HIPK2: variants seen among roughly 807,000 people sequenced by gnomAD.
HIPK2 encodes homeodomain interacting protein kinase 2, also known as homeodomain-interacting protein kinase 2.
In HIPK2, 27 loss-of-function variants were observed where a neutral mutation model predicts 113.7. The ratio of observed to expected loss-of-function variants is 0.24; its 90% CI spans 0.17 to 0.33. HIPK2 has a LOEUF of 0.33. Ranked by LOEUF, HIPK2 falls within the 10% of genes least tolerant of loss-of-function variation. The pLI is 1.00. For synonymous variants in HIPK2, 631 were observed against 642.2 expected, an observed-to-expected ratio of 0.98 and a Z score of 0.26; for missense variants, 1,257 against 1,588.0, an observed-to-expected ratio of 0.79 and a Z score of 3.54.
At position 139,664,142 on chromosome 7, in the gene HIPK2, A is replaced by C. The variant is rs201458674; in HGVS notation, c.1104-32417T>G. On this transcript the variant is annotated intron_variant, in intron 2 of 14. Transcript: ENST00000406875. ...CCTGAAGTCAAACAAACAAGCAAGC[A>C]AACCAACCAACCAACCAACCAAATA... is the stretch of plus-strand genomic sequence containing the variant. Among the ~76,000 whole-genome samples the C allele has an allele frequency of 2.0e-5, 3 of 152,068 alleles. No individual in the cohort carries two copies. In the East Asian group the frequency reaches 5.8e-4, roughly 30 times the overall value.
At chr7:139,761,511 T>C (rs1796463725) in intron 1 of HIPK2, among the ~76,000 whole-genome samples, 1 of 152,316 alleles carries the variant, frequency 6.6e-6, no homozygotes, top group Non-Finnish European at 1.5e-5. Flanking sequence ...ACTTGAATCC[T>C]GCAAGCTTTT....
At chr7:139,629,712 C>T (rs1301093955) in intron 4 of HIPK2, among the ~76,000 whole-genome samples, 1 of 152,308 alleles carries the variant, frequency 6.6e-6, no homozygotes, top group African/African-American at 2.4e-5. Flanking sequence ...CTGTACTCAT[C>T]CATGAGGTAA....
intron 14 of HIPK2, among the ~76,000 whole-genome samples, chr7:139,574,632 C>G (rs1189373102): frequency 6.6e-6 from 1 of 152,222 alleles, no homozygotes. Context: ...GACAGCCCTG[C>G]ACCCACAGAA....
chr7:139,709,724 G>A (rs1349999091), intron 2 of HIPK2, among the ~76,000 whole-genome samples: 2 of 152,220 alleles, frequency 1.3e-5, no homozygotes, highest in Non-Finnish European at 2.9e-5. Flanking sequence ...AACACAGCTT[G>A]GGGCAGGGCT....
Position 139,629,014 on chromosome 7 carries a change from G to A in HIPK2, c.1373C>T (p.Thr458Ile), listed in dbSNP as rs1156744475. Residue 458 changes from threonine to isoleucine, a missense_variant, in exon 5 of 15, where the codon ACA (threonine) becomes ATA (isoleucine). Thr to Ile is a moderately conservative substitution (Grantham distance 89, BLOSUM62 -1). Transcript: ENST00000406875. Reference protein sequence around the residue: ...LKTPDDHEAETGIKSKEARKY... With the variant: ...LKTPDDHEAEIGIKSKEARKY... ...TCTTGCTTCTTTTGACTTAATCCCT[G>A]TCTCTGCTTCATGGTCATCTGGTGT... 9 of 1,593,482 alleles carry A rather than the reference G, an allele frequency of 5.6e-6. No homozygotes were observed. The highest frequency in any genetic ancestry group is 6.0e-6 in the Non-Finnish European group (7 of 1,168,208).
intron 2 of HIPK2, among the ~76,000 whole-genome samples, chr7:139,680,635 T>C (rs1802668159): frequency 6.6e-6 from 1 of 152,258 alleles, no homozygotes; most frequent in Admixed American, 6.5e-5. Flanking sequence ...TAGCAAATCA[T>C]TTTTTAAAAT....
intron 12 of HIPK2, 51 bp from the exon 13 acceptor site, chr7:139,584,115 A>T: frequency 6.5e-7 from 1 of 1,543,874 alleles, no homozygotes; most frequent in Non-Finnish European, 8.7e-7. Flanking sequence ...GTGAGGTGAG[A>T]CACCCAACTA....
chr7:139,752,724 G>T (rs1393278643), intron 1 of HIPK2, among the ~76,000 whole-genome samples: 2 of 104,688 alleles, frequency 1.9e-5, no homozygotes, highest in East Asian at 3.0e-4. Context: ...TTTCACAGCT[G>T]AAAAAAAAAA....
chr7:139,664,316 T>A (rs1390152888), intron 2 of HIPK2, among the ~76,000 whole-genome samples: 1 of 152,086 alleles, frequency 6.6e-6, no homozygotes, highest in East Asian at 1.9e-4. Context: ...GGCAGGTGGA[T>A]CACCTGAGGT....
intron 1 of HIPK2, among the ~76,000 whole-genome samples, chr7:139,771,072 C>G (rs919909357): frequency 6.6e-6 from 1 of 152,142 alleles, no homozygotes; most frequent in Admixed American, 6.5e-5. Context: ...AGAGGGAGGA[C>G]TACCCTCTGA....
intron 14 of HIPK2, 141 bp downstream of exon 14, chr7:139,574,987 C>T: frequency 8.6e-7 from 1 of 1,163,538 alleles, no homozygotes; most frequent in Non-Finnish European, 1.2e-6. Context: ...CCAGAGGTCA[C>T]CAAGGGCATG....
At chr7:139,622,840 G>A (rs1236113751) in intron 6 of HIPK2, among the ~76,000 whole-genome samples, 1 of 152,186 alleles carries the variant, frequency 6.6e-6, no homozygotes, top group Non-Finnish European at 1.5e-5. Context: ...ACTTGTCAGT[G>A]CCCCTCTTGG....
intron 9 of HIPK2, among the ~76,000 whole-genome samples, chr7:139,604,903 A>G (rs143791057): frequency 6.6e-6 from 1 of 152,328 alleles, no homozygotes; most frequent in African/African-American, 2.4e-5. Context: ...GAGTTGAGCT[A>G]GATGAGGGTG....
Position 139,716,523 on chromosome 7 carries a change from G to A in HIPK2, c.512C>T (p.Ala171Val). 6.2e-7 allele frequency: 1 copy of A among 1,613,986 alleles called. No individual in the cohort carries two copies. Among genetic ancestry groups the A allele is most frequent in the Non-Finnish European group, 8.5e-7 (1 of 1,179,880 alleles). The change falls in exon 2 of 15, where the codon GCC becomes GTC. Residue 171 changes from alanine to valine, a missense_variant. Physicochemically the swap from Ala to Val is moderately conservative, Grantham distance 64. Coordinates refer to ENST00000406875, the MANE Select transcript of HIPK2 (RefSeq NM_022740.5). This position sits in a 1 kb window ranked among gnomAD's most constrained non-coding sequence, Gnocchi z 9.3. ...ATVATATTST[A>V]TSKNSGSNSE... ...GTTGGAGCCGCTGTTTTTGGAGGTG[G>A]CAGTAGACGTGGTGGCAGTGGCGAC...
At chr7:139,619,644 G>C (rs1406138542) in intron 7 of HIPK2, among the ~76,000 whole-genome samples, 1 of 152,210 alleles carries the variant, frequency 6.6e-6, no homozygotes, top group African/African-American at 2.4e-5. Flanking sequence ...CCCAAAAGGA[G>C]ATCAGGTAGA....
intron 1 of HIPK2, among the ~76,000 whole-genome samples, chr7:139,759,586 G>A (rs867691280): frequency 6.6e-6 from 1 of 152,114 alleles, no homozygotes; most frequent in South Asian, 2.1e-4. Flanking sequence ...AGTACTCTAA[G>A]GTTATAAAAA....
chr7:139,725,703 G>C lies in HIPK2; in HGVS notation c.20-8688C>G, dbSNP rs1795554942. On this transcript the variant is annotated intron_variant, in intron 1 of 14. Transcript: ENST00000406875. ...CATCTAACACATCAACAAGTGGTAG[G>C]TGACTGTCCTGATTGCCTTTGCTCT... 2.0e-5 allele frequency among the ~76,000 whole-genome samples: 3 copies of C among 152,170 alleles called. 1 individual carries two copies. The highest frequency in any genetic ancestry group is 4.4e-5 in the Non-Finnish European group (3 of 68,036).
intron 2 of HIPK2, among the ~76,000 whole-genome samples, chr7:139,667,612 C>A (rs1003944262): frequency 6.6e-6 from 1 of 152,152 alleles, no homozygotes; most frequent in African/African-American, 2.4e-5. Context: ...AGAAGTGGTA[C>A]TGACTCACTA....
At chr7:139,651,668 T>C (rs1444110758) in intron 2 of HIPK2, among the ~76,000 whole-genome samples, 6 of 152,206 alleles carry the variant, frequency 3.9e-5, no homozygotes, top group East Asian at 1.9e-4. Context: ...TTTAGCTCTA[T>C]AGCGGGGGCA....
Sources: gnomAD v4.1 joint callset for allele counts (sites outside exome capture counted in the v4.1 genomes callset) on GRCh38, gnomAD v4.1.1 for gene constraint, Gnocchi (gnomAD v3.1) non-coding constraint, MANE v1.5 for transcripts, NCBI Gene and HGNC (gene_info 2026-07-23, HGNC 2026-07-21) for gene names.